The following CCDC88A variants were observed in gnomAD, a reference collection of about 807,000 sequenced individuals.
The protein encoded by CCDC88A is girdin.
CCDC88A carries 54 observed loss-of-function variants against 234.3 expected under a neutral mutation model. That is an observed-to-expected ratio of 0.23 (90% CI 0.19 to 0.29). The LOEUF is 0.29. CCDC88A is among the 10% of genes least tolerant of loss of function. CCDC88A has a pLI of 1.00. For missense variants in CCDC88A, 1,832 were observed against 2,123.4 expected (o/e 0.86, Z 2.70); for synonymous variants, 753 against 737.8 (o/e 1.02, Z -0.33).
At chr2:55,331,104 T>C (rs1031753031) in intron 16 of CCDC88A, among the ~76,000 whole-genome samples, 10 of 152,220 alleles carry the variant, frequency 6.6e-5, no homozygotes, top group African/African-American at 2.4e-4. Context: ...AAATTTATAA[T>C]AGGGTCAAGT....
intron 2 of CCDC88A, among the ~76,000 whole-genome samples, chr2:55,394,815 A>T (rs200597290): frequency 3.4e-3 from 7 of 2,074 alleles, no homozygotes; most frequent in Non-Finnish European, 7.5e-3. Flanking sequence ...TAATAATAAT[A>T]AAAAAAAAAA....
chr2:55,390,034 CAA>C (rs1296981008), intron 2 of CCDC88A, among the ~76,000 whole-genome samples: 6 of 25,074 alleles, frequency 2.4e-4, no homozygotes, highest in African/African-American at 3.1e-4. Context: ...GAGCGAGACT[CAA>C]AAAAAAAAAA....
At position 55,291,711 on chromosome 2, in the gene CCDC88A, T is replaced by G. The variant is rs1433065435; in HGVS notation, c.5616A>C (p.Ter1872TyrextTer12). 4 of 1,603,954 alleles carry G rather than the reference T, an allele frequency of 2.5e-6. No individual in the cohort carries two copies. The highest frequency in any genetic ancestry group is 3.4e-6 in the Non-Finnish European group (4 of 1,171,926). Residue 1872 changes from the stop codon to tyrosine (Y), a stop_lost, in exon 32 of 33, where the codon TAA becomes TAC. Transcript: ENST00000436346. ...KSRSREQQSS* is the reference protein window; with the variant it reads ...KSRSREQQSSY Reference sequence around the variant, plus strand: ...ACATGTCATGTAGTGGGTAATAGAATTAGGAGCTTTGTTGCTCCCTAGACC... The same window carrying G: ...ACATGTCATGTAGTGGGTAATAGAAGTAGGAGCTTTGTTGCTCCCTAGACC...
Position 55,380,975 on chromosome 2 carries a change from G to A in CCDC88A, c.274-6092C>T, listed in dbSNP as rs193289529. On this transcript the variant is annotated intron_variant, in intron 3 of 32. Transcript: ENST00000436346. ...TTTTATTGATATATAGGCATGTACC[G>A]TGTAATGACATTTTTGGTCAACAAT... Among the ~76,000 whole-genome samples, 36 of 152,248 alleles carry A rather than the reference G, an allele frequency of 2.4e-4. 1 individual carries two copies. The highest frequency in any genetic ancestry group is 2.0e-3 in the Admixed American group (30 of 15,284).
chr2:55,403,156 G>A (rs958840951), intron 2 of CCDC88A, among the ~76,000 whole-genome samples: 1 of 152,106 alleles, frequency 6.6e-6, no homozygotes, highest in Non-Finnish European at 1.5e-5. Flanking sequence ...GAAGTGACAG[G>A]CTCACTTTAT....
At chr2:55,329,298 C>G (rs530480886) in intron 16 of CCDC88A, 6 of 152,030 alleles carry the variant, frequency 3.9e-5, no homozygotes, top group African/African-American at 1.5e-4. Flanking sequence ...TATTTATGAT[C>G]CATTTCTTAA....
chr2:55,377,821 TGGTC>T (rs1014210491), intron 3 of CCDC88A, among the ~76,000 whole-genome samples: 5 of 134,610 alleles, frequency 3.7e-5, no homozygotes, highest in African/African-American at 1.4e-4. Context: ...TTGGTCAGGC[TGGTC>T]TCTAACTCCT....
At chr2:55,396,190 AT>A (rs1677517439) in intron 2 of CCDC88A, among the ~76,000 whole-genome samples, 1 of 152,182 alleles carries the variant, frequency 6.6e-6, no homozygotes, top group African/African-American at 2.4e-5. Flanking sequence ...TCAAGCTATC[AT>A]TGTGGAGAAA....
intron 11 of CCDC88A, chr2:55,344,086 T>C (rs909804454): frequency 1.4e-5 from 5 of 360,552 alleles, no homozygotes; most frequent in African/African-American, 8.4e-5. Flanking sequence ...ATTTTAGCAA[T>C]CAGATTTCTG....
intron 31 of CCDC88A, chr2:55,292,902 T>A (rs904581434): frequency 6.6e-6 from 1 of 152,156 alleles, no homozygotes; most frequent in Admixed American, 6.6e-5. Context: ...TTGGGGGGAA[T>A]TTTATGACTC....
At chr2:55,316,249 T>C (rs1235993134) in intron 21 of CCDC88A, 135 bp from the exon 22 acceptor site, 2 of 410,784 alleles carry the variant, frequency 4.9e-6, no homozygotes, top group Non-Finnish European at 8.4e-6. Flanking sequence ...ACTAAACTTA[T>C]CAAAAATCAG....
chr2:55,377,686 TG>T (rs1673904803), intron 3 of CCDC88A, among the ~76,000 whole-genome samples: 1 of 152,136 alleles, frequency 6.6e-6, no homozygotes, highest in Admixed American at 6.6e-5. Context: ...CTCGGTTCAA[TG>T]CAACCTCCGC....
At chr2:55,349,483 G>A (rs1669597867) in intron 9 of CCDC88A, 35 bp downstream of exon 9, 2 of 1,371,314 alleles carry the variant, frequency 1.5e-6, no homozygotes, top group Non-Finnish European at 1.0e-6. Context: ...CCAATTACTT[G>A]GTGGTCCTAA....
chr2:55,414,378 C>A (rs1267750930), intron 2 of CCDC88A, among the ~76,000 whole-genome samples: 5 of 152,210 alleles, frequency 3.3e-5, no homozygotes, highest in Non-Finnish European at 7.3e-5. Flanking sequence ...TCACCAAGCC[C>A]TACAACTGAT....
Position 55,377,457 on chromosome 2 carries a change from G to A in CCDC88A, c.274-2574C>T, listed in dbSNP as rs546380455. ...ACAGGCATAGGCCACCGTGCCCAGC[G>A]AGATTTTTTTTTTAAATCATAAATA... On this transcript the variant is annotated intron_variant, in intron 3 of 32. Transcript: ENST00000436346. Among the ~76,000 whole-genome samples, 5 of 136,102 alleles carry A rather than the reference G, an allele frequency of 3.7e-5. 1 individual carries two copies. Among genetic ancestry groups the A allele is most frequent in the African/African-American group, 8.4e-5 (3 of 35,846 alleles). The allele number at this position is 136,102 out of a possible 152,430, so 89.3% of individuals were successfully genotyped here.
intron 31 of CCDC88A, chr2:55,295,194 C>T (rs772627013): frequency 9.9e-6 from 13 of 1,314,236 alleles, no homozygotes; most frequent in Non-Finnish European, 1.0e-6. Flanking sequence ...CTGTAGGTTA[C>T]TGTTACTAGG....
At position 55,317,321 on chromosome 2, in the gene CCDC88A, G is replaced by A; in HGVS notation, c.3631C>T (p.Gln1211Ter). 1 of 1,524,496 alleles carries A rather than the reference G, an allele frequency of 6.6e-7. No homozygotes were observed. Among genetic ancestry groups the A allele is most frequent in the Non-Finnish European group, 8.8e-7 (1 of 1,132,140 alleles). 94.4% of individuals were successfully genotyped at this position (1,524,496 alleles called of 1,614,324 possible). A position where few individuals can be genotyped will look rare whatever the true frequency, so the allele number is the denominator to read the frequency against. ...RYNQLLKQKG[Q>*]LEDLEKMLKV... ...AGCATTTTTTCCAAATCTTCCAACTGTCCTTTCTGTTTTAATAACTGATTG... is the reference window on the plus strand; with the variant it reads ...AGCATTTTTTCCAAATCTTCCAACTATCCTTTCTGTTTTAATAACTGATTG... Residue 1211 changes from glutamine to a stop codon, truncating the protein, a stop_gained, in exon 21 of 33, where the codon CAG (glutamine) becomes TAG (stop). Coordinates refer to ENST00000436346, the MANE Select transcript of CCDC88A (RefSeq NM_001365480.1). LOFTEE classifies it high-confidence loss of function. The surrounding 1 kb of genome is among the most constrained non-coding windows in gnomAD (Gnocchi z 4.2).
chr2:55,317,506 ATAC>A lies in CCDC88A; in HGVS notation c.3602+55_3602+57del. 1 of 1,299,230 alleles carries A rather than the reference ATAC, an allele frequency of 7.7e-7. No individual in the cohort carries two copies. Among genetic ancestry groups the A allele is most frequent in the South Asian group, 1.8e-5 (1 of 55,756 alleles). 80.5% of individuals were successfully genotyped at this position (1,299,230 alleles called of 1,614,324 possible). A position where few individuals can be genotyped will look rare whatever the true frequency, so the allele number is the denominator to read the frequency against. ...ATGTGTTTAATATATAAAATTTATT[ATAC>A]TACTTGAAGAAAATTCATTTTAAAT... On this transcript the variant is annotated intron_variant, in intron 20 of 32. Transcript: ENST00000436346. This position sits in a 1 kb window ranked among gnomAD's most constrained non-coding sequence, Gnocchi z 4.2.
At position 55,419,286 on chromosome 2, in the gene CCDC88A, G is replaced by A. The variant is rs1681959396; in HGVS notation, c.-207C>T. The stretch of plus-strand genomic sequence containing the variant: ...AATCCCAAGAAGTGGCTTCGACGAC[G>A]GACACCACGAGCAGCAGCCTGCGCT... On this transcript the variant is annotated 5_prime_UTR_variant, in exon 1 of 33. Transcript: ENST00000436346. 2 of 547,080 alleles carry A rather than the reference G, an allele frequency of 3.7e-6. No homozygotes were observed. The highest frequency in any genetic ancestry group is 6.5e-6 in the Non-Finnish European group (2 of 305,742). The allele number at this position is 547,080 out of a possible 1,614,324, so 33.9% of individuals were successfully genotyped here. A position where few individuals can be genotyped will look rare whatever the true frequency, so the allele number is the denominator to read the frequency against.
Sources: allele counts gnomAD v4.1 joint callset (sites outside exome capture counted in the v4.1 genomes callset), GRCh38; gene constraint gnomAD v4.1.1; non-coding constraint Gnocchi (gnomAD v3.1); transcripts MANE v1.5; gene names NCBI Gene and HGNC (gene_info 2026-07-23, HGNC 2026-07-21).